The following EYS variants were observed in gnomAD, a reference collection of about 807,000 sequenced individuals.
EYS encodes EGF-like photoreceptor maintenance factor, also known as protein eyes shut homolog.
In EYS, 250 loss-of-function variants were observed where a neutral mutation model predicts 282.1. The observed-to-expected ratio is 0.89, with a 90% confidence interval of 0.80 to 0.98. EYS has a LOEUF of 0.98. Among genes scored for constraint, EYS ranks in the 50% least tolerant of loss-of-function variants. The pLI is 0.00. For missense variants in EYS, 4,016 were observed against 3,709.0 expected (o/e 1.08, Z -2.15); for synonymous variants, 1,355 against 1,282.9 (o/e 1.06, Z -1.20).
At chr6:64,229,291 T>C (rs1206053517) in intron 31 of EYS, among the ~76,000 whole-genome samples, 2 of 151,924 alleles carry the variant, frequency 1.3e-5, no homozygotes, top group Non-Finnish European at 2.9e-5. Flanking sequence ...AATTAATAAA[T>C]AAGAGTATTT....
Position 64,617,539 on chromosome 6 carries a change from C to T in EYS, c.3569-6G>A, listed in dbSNP as rs940919017. On this transcript the variant is annotated splice_region_variant and splice_polypyrimidine_tract_variant and intron_variant, in intron 23 of 42. Transcript: ENST00000503581. ...ACAGTGGTGTCCAGACCATCCTGTT[C>T]AACAAAATTACAAAGCAGATATGCA... The T allele has an allele frequency of 6.6e-7, 1 of 1,506,530 alleles. No homozygotes were observed. Among genetic ancestry groups the T allele is most frequent in the East Asian group, 2.5e-5 (1 of 40,600 alleles). The allele number at this position is 1,506,530 out of a possible 1,614,324, so 93.3% of individuals were successfully genotyped here.
intron 36 of EYS, among the ~76,000 whole-genome samples, chr6:63,823,092 T>C (rs1442570088): frequency 6.6e-6 from 1 of 152,198 alleles, no homozygotes; most frequent in Non-Finnish European, 1.5e-5. Context: ...TTTCCTAGTA[T>C]TGAATAACCT....
chr6:65,151,106 A>C (rs1364726830), intron 12 of EYS, among the ~76,000 whole-genome samples: 1 of 152,030 alleles, frequency 6.6e-6, no homozygotes, highest in African/African-American at 2.4e-5. Context: ...CATTTTTGAC[A>C]ATGATTACAT....
At chr6:65,533,066 T>G (rs1363683499) in intron 2 of EYS, among the ~76,000 whole-genome samples, 1 of 152,106 alleles carries the variant, frequency 6.6e-6, no homozygotes, top group African/African-American at 2.4e-5. Flanking sequence ...TTACTAATAT[T>G]AGCTGCTTTA....
At chr6:64,789,093 GT>G (rs1774105835) in intron 22 of EYS, among the ~76,000 whole-genome samples, 1 of 152,192 alleles carries the variant, frequency 6.6e-6, no homozygotes, top group East Asian at 1.9e-4. Context: ...ACTATACAAT[GT>G]CAAGCCACCA....
intron 1 of EYS, among the ~76,000 whole-genome samples, chr6:65,684,662 G>T (rs902638984): frequency 2.0e-5 from 3 of 151,996 alleles, no homozygotes; most frequent in Non-Finnish European, 4.4e-5. Context: ...GGTAAGGTGA[G>T]GAGAGAAGGG....
At chr6:65,537,126 T>G (rs774246354) in intron 2 of EYS, among the ~76,000 whole-genome samples, 1 of 152,016 alleles carries the variant, frequency 6.6e-6, no homozygotes, top group Non-Finnish European at 1.5e-5. Context: ...ATGTTCTCAC[T>G]CATAAGTGGG....
chr6:64,232,060 A>G (rs1377826628), intron 30 of EYS, among the ~76,000 whole-genome samples: 2 of 152,200 alleles, frequency 1.3e-5, no homozygotes, highest in Non-Finnish European at 2.9e-5. Context: ...AACTTATTGG[A>G]ACAAAAGATT....
intron 12 of EYS, among the ~76,000 whole-genome samples, chr6:65,168,636 G>A (rs1229305029): frequency 6.6e-6 from 1 of 151,122 alleles, no homozygotes; most frequent in Admixed American, 6.6e-5. Flanking sequence ...CATCTTGGGG[G>A]TTAGGATTTC....
chr6:64,914,318 A>T (rs913393713), intron 15 of EYS, among the ~76,000 whole-genome samples: 1 of 152,186 alleles, frequency 6.6e-6, no homozygotes, highest in Non-Finnish European at 1.5e-5. Context: ...ATCTTGAGCA[A>T]CTTTACTATT....
At chr6:65,231,764 A>G (rs1318621464) in intron 12 of EYS, among the ~76,000 whole-genome samples, 1 of 151,944 alleles carries the variant, frequency 6.6e-6, no homozygotes, top group Non-Finnish European at 1.5e-5. Context: ...TATATTTATA[A>G]TTCCTTAAAT....
chr6:64,347,326 T>A (rs1454299866), intron 29 of EYS, among the ~76,000 whole-genome samples: 1 of 151,474 alleles, frequency 6.6e-6, no homozygotes. Context: ...TAAGAAATTA[T>A]TATTAATCCT....
intron 8 of EYS, among the ~76,000 whole-genome samples, chr6:65,380,100 A>C (rs1459069508): frequency 6.6e-6 from 1 of 152,114 alleles, no homozygotes; most frequent in Non-Finnish European, 1.5e-5. Context: ...GACTTTCTTC[A>C]CAGAACTAGA....
chr6:65,070,741 G>A (rs556194313), intron 12 of EYS, among the ~76,000 whole-genome samples: 2 of 151,720 alleles, frequency 1.3e-5, no homozygotes, highest in African/African-American at 2.4e-5. Context: ...TTCCTGTTAT[G>A]TATTTGCATC....
intron 31 of EYS, among the ~76,000 whole-genome samples, chr6:64,195,396 A>G (rs1384765417): frequency 6.6e-6 from 1 of 152,152 alleles, no homozygotes; most frequent in Non-Finnish European, 1.5e-5. Flanking sequence ...TCCACCTCCC[A>G]AGTTCAAGTG....
chr6:65,129,115 C>G (rs570508738), intron 12 of EYS, among the ~76,000 whole-genome samples: 1 of 151,934 alleles, frequency 6.6e-6, no homozygotes, highest in African/African-American at 2.4e-5. Flanking sequence ...TATCCATATG[C>G]AGAAGAGTGA....
rs1766174503 is a variant in EYS at position 65,494,681 on chromosome 6, A to G, written c.730T>C (p.Cys244Arg). ...NWDEQAYECV[C>R]HPPFTGKNCS... Reference sequence around the variant, plus strand: ...ATCTTACCTGTAAATGGTGGGTGACAGACACATTCATATGCTTGCTCATCC... The same window carrying G: ...ATCTTACCTGTAAATGGTGGGTGACGGACACATTCATATGCTTGCTCATCC... Residue 244 changes from cysteine (C) to arginine (R), a missense_variant, in exon 4 of 43, where the codon TGT (cysteine) becomes CGT (arginine). Transcript: ENST00000503581. The G allele has an allele frequency of 1.9e-6, 3 of 1,573,420 alleles. No individual in the cohort carries two copies. The Admixed American group carries it at 5.5e-5, about 29-fold the overall frequency.
At chr6:65,512,717 A>C (rs1766944777) in intron 2 of EYS, among the ~76,000 whole-genome samples, 1 of 152,058 alleles carries the variant, frequency 6.6e-6, no homozygotes, top group African/African-American at 2.4e-5. Context: ...TGAAGGCAGA[A>C]ATAAAGATGT....
chr6:64,541,877 T>C (rs938122733), intron 26 of EYS, among the ~76,000 whole-genome samples: 4 of 152,350 alleles, frequency 2.6e-5, no homozygotes, highest in East Asian at 1.9e-4. Flanking sequence ...TCTAGAGAAC[T>C]ATCTTGCTTT....
Sources: allele counts gnomAD v4.1 joint callset (sites outside exome capture counted in the v4.1 genomes callset), GRCh38; gene constraint gnomAD v4.1.1; transcripts MANE v1.5; gene names NCBI Gene and HGNC (gene_info 2026-07-23, HGNC 2026-07-21).